KIF14: variants seen among roughly 807,000 people sequenced by gnomAD.
KIF14 encodes kinesin family member 14, also known as kinesin-like protein KIF14.
KIF14 carries 98 observed loss-of-function variants against 176.2 expected under a neutral mutation model. The observed-to-expected ratio is 0.56, with a 90% CI of 0.47 to 0.66. The LOEUF is 0.66. Ranked by LOEUF, KIF14 falls within the 30% of genes least tolerant of loss-of-function variation. The pLI is 0.00. For synonymous variants in KIF14, 566 were observed against 632.2 expected, an observed-to-expected ratio of 0.90 and a Z score of 1.57; for missense variants, 1,751 against 1,920.4, an observed-to-expected ratio of 0.91 and a Z score of 1.65.
chr1:200,555,347 G>A (rs921537019), intron 28 of KIF14, 33 bp downstream of exon 28: 2 of 1,341,420 alleles, frequency 1.5e-6, no homozygotes, highest in Non-Finnish European at 2.1e-6. Context: ...TAAAAAATAA[G>A]CAAAATTAAA....
chr1:200,580,385 T>C lies in KIF14; in HGVS notation c.3336-2A>G. ...CTACTTTTATCTGATATATCATGTC[T>C]GAAAGAAAAATAAACAAAAAAAAGC... On this transcript the variant is annotated splice_acceptor_variant, in intron 20 of 29. Coordinates refer to ENST00000367350, the MANE Select transcript of KIF14 (RefSeq NM_014875.3). LOFTEE classifies it high-confidence loss of function. 6.8e-7 allele frequency: 1 copy of C among 1,460,682 alleles called. No homozygotes were observed. The highest frequency in any genetic ancestry group is 1.6e-5 in the South Asian group (1 of 63,734). 90.5% of individuals were successfully genotyped at this position (1,460,682 alleles called of 1,614,324 possible).
chr1:200,605,305 G>A lies in KIF14; in HGVS notation c.1724C>T (p.Thr575Ile), dbSNP rs370434150. ...TACCTTGGTCTGGGTCATCACCAGGGTGAAAACTGAATGAGATCGGGAACT... is the reference window on the plus strand; with the variant it reads ...TACCTTGGTCTGGGTCATCACCAGGATGAAAACTGAATGAGATCGGGAACT... ...DKSSRSHSVFTLVMTQTKTEF... is the reference protein window; with the variant it reads ...DKSSRSHSVFILVMTQTKTEF... The change falls in exon 8 of 30, where the codon ACC becomes ATC. Residue 575 changes from threonine (T) to isoleucine (I), a missense_variant. Coordinates refer to ENST00000367350, the MANE Select transcript of KIF14 (RefSeq NM_014875.3). 1 of 1,612,794 alleles carries A rather than the reference G, an allele frequency of 6.2e-7. No homozygotes were observed. Among genetic ancestry groups the A allele is most frequent in the Non-Finnish European group, 8.5e-7 (1 of 1,179,190 alleles).
At position 200,605,409 on chromosome 1, in the gene KIF14, G is replaced by A. The variant is rs745680714; in HGVS notation, c.1639-19C>T. 10 of 1,555,236 alleles carry A rather than the reference G, an allele frequency of 6.4e-6. No homozygotes were observed. Among genetic ancestry groups the A allele is most frequent in the Non-Finnish European group, 8.8e-6 (10 of 1,131,138 alleles). ...GCCAACTCTTATAAGAAAAAAGGAA[G>A]GAAGATCAGATCAGCAGACTGTAAC... On this transcript the variant is annotated intron_variant, in intron 7 of 29. Coordinates refer to ENST00000367350, the MANE Select transcript of KIF14 (RefSeq NM_014875.3).
At chr1:200,606,861 A>T in intron 5 of KIF14, 63 bp from the exon 6 acceptor site, 1 of 1,284,740 alleles carries the variant, frequency 7.8e-7, no homozygotes, top group Non-Finnish European at 1.1e-6. Flanking sequence ...ACTTGAAATG[A>T]TCACTTTTTC....
chr1:200,564,517 T>C (rs1008277892), intron 25 of KIF14, among the ~76,000 whole-genome samples: 8 of 152,202 alleles, frequency 5.3e-5, no homozygotes, highest in African/African-American at 1.7e-4. Flanking sequence ...CCAAACCTAA[T>C]CTTATCTGAT....
intron 22 of KIF14, among the ~76,000 whole-genome samples, chr1:200,573,474 C>T (rs1322037740): frequency 9.0e-6 from 1 of 110,660 alleles, no homozygotes; most frequent in Non-Finnish European, 1.8e-5. Context: ...CGCTGTTTAG[C>T]CCAGGCCGGA....
chr1:200,607,484 A>C (rs991077939), intron 5 of KIF14, among the ~76,000 whole-genome samples: 2 of 152,128 alleles, frequency 1.3e-5, no homozygotes, highest in African/African-American at 4.8e-5. Context: ...TAAATCTTGC[A>C]GTAGCTATGA....
rs977884530 is a variant in KIF14 at position 200,553,756 on chromosome 1, C to T, written c.4579G>A (p.Asp1527Asn). ...IISALKGCHS[D>N]INLLQTCVES... ...ACACAAGTCTGGAGAAGATTTATAT[C>T]ACTATGGCATCCTATATGCAAGAGA... Residue 1527 changes from aspartate to asparagine, a missense_variant, in exon 30 of 30, where the codon GAT becomes AAT. Coordinates refer to ENST00000367350, the MANE Select transcript of KIF14 (RefSeq NM_014875.3). The T allele has an allele frequency of 6.3e-7, 1 of 1,599,872 alleles. No homozygotes were observed. Among genetic ancestry groups the T allele is most frequent in the Non-Finnish European group, 8.5e-7 (1 of 1,170,680 alleles).
Position 200,600,033 on chromosome 1 carries a change from G to T in KIF14, c.2364+17C>A. 1 of 1,448,538 alleles carries T rather than the reference G, an allele frequency of 6.9e-7. No homozygotes were observed. Among genetic ancestry groups the T allele is most frequent in the Non-Finnish European group, 9.6e-7 (1 of 1,041,632 alleles). 89.7% of individuals were successfully genotyped at this position (1,448,538 alleles called of 1,614,324 possible). ...TTTCTTTTATTTTCTAATCAGTTTA[G>T]AAAGTTGAAATAATACCTGTAACTC... is the stretch of plus-strand genomic sequence containing the variant. On this transcript the variant is annotated intron_variant, in intron 13 of 29. Coordinates refer to ENST00000367350, the MANE Select transcript of KIF14 (RefSeq NM_014875.3).
At position 200,605,885 on chromosome 1, in the gene KIF14, G is replaced by T; in HGVS notation, c.1617C>A (p.Val539=). Residue 539 remains valine (V), a synonymous_variant, in exon 7 of 30, where the codon GTC becomes GTA. Coordinates refer to ENST00000367350, the MANE Select transcript of KIF14 (RefSeq NM_014875.3). ...TTACCTGGATATCAGCGTAAGAACT[G>T]ACAATGTTCCTATTTTTAAGAAGTG... The part of the protein sequence containing the change: ...PYVEALSMNI[V]SSYADIQSWL... 2 of 1,529,992 alleles carry T rather than the reference G, an allele frequency of 1.3e-6. No individual in the cohort carries two copies. Among genetic ancestry groups the T allele is most frequent in the South Asian group, 1.3e-5 (1 of 79,466 alleles). 94.8% of individuals were successfully genotyped at this position (1,529,992 alleles called of 1,614,324 possible).
chr1:200,580,157 CT>C (rs1238677443), intron 21 of KIF14, 96 bp downstream of exon 21: 45 of 633,512 alleles, frequency 7.1e-5, no homozygotes, highest in Non-Finnish European at 2.3e-6. Context: ...GAATATGTCA[CT>C]TTTATATATA....
chr1:200,593,840 A>G, intron 14 of KIF14, 71 bp from the exon 15 acceptor site: 1 of 841,298 alleles, frequency 1.2e-6, no homozygotes, highest in Non-Finnish European at 2.0e-6. Context: ...GCAATATGGG[A>G]TAATTCTGCT....
intron 11 of KIF14, among the ~76,000 whole-genome samples, chr1:200,601,125 C>T (rs921499160): frequency 6.6e-6 from 1 of 152,076 alleles, no homozygotes; most frequent in Non-Finnish European, 1.5e-5. Flanking sequence ...TTAAGTAGTC[C>T]GCCTGCGTTA....
intron 24 of KIF14, 63 bp from the exon 25 acceptor site, chr1:200,565,316 A>G (rs771759543): frequency 8.4e-5 from 125 of 1,482,418 alleles, no homozygotes; most frequent in Non-Finnish European, 1.1e-4. Context: ...CTCATATATG[A>G]TCATCATTAA....
At chr1:200,594,779 C>T (rs1659244881) in intron 14 of KIF14, among the ~76,000 whole-genome samples, 1 of 152,110 alleles carries the variant, frequency 6.6e-6, no homozygotes, top group African/African-American at 2.4e-5. Flanking sequence ...GGATTAGGCT[C>T]CAAGATCTGT....
intron 14 of KIF14, among the ~76,000 whole-genome samples, chr1:200,595,114 C>T (rs1659261929): frequency 6.6e-6 from 1 of 152,212 alleles, no homozygotes; most frequent in Admixed American, 6.5e-5. Flanking sequence ...AGCTTTCCTC[C>T]TTTCCTTGAG....
intron 9 of KIF14, 50 bp downstream of exon 9, chr1:200,603,789 A>T (rs1236178129): frequency 2.6e-6 from 3 of 1,137,124 alleles, no homozygotes; most frequent in Non-Finnish European, 4.0e-6. Flanking sequence ...CCTTAAAATA[A>T]TGACCTCAGG....
chr1:200,581,132 A>G (rs550196107), intron 20 of KIF14, 69 bp downstream of exon 20: 51 of 784,668 alleles, frequency 6.5e-5, no homozygotes, highest in Middle Eastern at 4.0e-4. Flanking sequence ...AAAAAAAAAA[A>G]AGAGAAACTA....
chr1:200,571,372 A>T (rs931356941), intron 22 of KIF14, among the ~76,000 whole-genome samples: 3 of 151,162 alleles, frequency 2.0e-5, no homozygotes, highest in African/African-American at 7.3e-5. Flanking sequence ...TTGGCTGCCT[A>T]AGCTGTTATT....
Sources: gnomAD v4.1 joint callset for allele counts (sites outside exome capture counted in the v4.1 genomes callset) on GRCh38, gnomAD v4.1.1 for gene constraint, MANE v1.5 for transcripts, NCBI Gene and HGNC (gene_info 2026-07-23, HGNC 2026-07-21) for gene names.